MCTS1: variants seen among roughly 807,000 people sequenced by gnomAD.
MCTS1 encodes MCTS1 re-initiation and release factor, also known as malignant T-cell-amplified sequence 1.
For synonymous variants in MCTS1, 26 were observed against 40.8 expected, an observed-to-expected ratio of 0.64 and a Z score of 1.38; for missense variants, 55 against 128.6, an observed-to-expected ratio of 0.43 and a Z score of 2.77.
chrX:120,604,543 C>T (rs1210273022), intron 1 of MCTS1: 1 of 607,877 alleles, frequency 1.6e-6, no homozygotes, highest in Admixed American at 4.5e-5. Context: ...CTACCAATCA[C>T]ATCCGTGCAC....
chrX:120,612,147 TA>T (rs1926701611), intron 5 of MCTS1, 35 bp from the exon 6 acceptor site: 2 of 1,020,600 alleles, frequency 2.0e-6, no homozygotes, highest in African/African-American at 1.9e-5. Context: ...TAAAAATGCA[TA>T]AAAGTATGTT....
rs996375811 is a variant in MCTS1 at position 120,620,294 on chromosome X, C to T, written c.*8030C>T. 8.4e-5 allele frequency among the ~76,000 whole-genome samples: 9 copies of T among 107,326 alleles called. No homozygotes were observed. The highest frequency in any genetic ancestry group is 4.1e-4 in the South Asian group (1 of 2,413). 93.2% of individuals were successfully genotyped at this position (107,326 alleles called of 115,157 possible). ...CTGCATTCCAGCCTGGACAACAGAG[C>T]GAAACTCCGTCTCAAAAACCAACCA... On this transcript the variant is annotated 3_prime_UTR_variant, in exon 6 of 6. Coordinates refer to ENST00000371317, the MANE Select transcript of MCTS1 (RefSeq NM_014060.3).
In MCTS1 at chrX:120,609,805, AG is replaced by A. The variant is rs201141149; in HGVS notation, c.397-1205del. On this transcript the variant is annotated intron_variant, in intron 4 of 5. Transcript: ENST00000371317. ...TTAAAAATAATTTTTATTTTGAAACAGTTACAGATTTAGAGAAAGTTGTTAA... is the reference window on the plus strand; with the variant it reads ...TTAAAAATAATTTTTATTTTGAAACATTACAGATTTAGAGAAAGTTGTTAA... 8.7e-3 allele frequency among the ~76,000 whole-genome samples: 979 copies of A among 112,105 alleles called. 10 individuals are homozygous for A. Among genetic ancestry groups the A allele is most frequent in the African/African-American group, 0.03 (920 of 30,887 alleles).
chrX:120,617,158 T>A lies in MCTS1; in HGVS notation c.*4894T>A, dbSNP rs748139111. Among the ~76,000 whole-genome samples the A allele has an allele frequency of 8.9e-6, 1 of 112,120 alleles. No homozygotes were observed. The highest frequency in any genetic ancestry group is 2.8e-4 in the East Asian group (1 of 3,586). ...TTAGGCAGAAACAGAAAGCAAAAAA[T>A]TAAACTCATCCAACTCATACATTTG... On this transcript the variant is annotated 3_prime_UTR_variant, in exon 6 of 6. Coordinates refer to ENST00000371317, the MANE Select transcript of MCTS1 (RefSeq NM_014060.3).
In MCTS1 at chrX:120,604,119, A is replaced by G. The variant is rs1291226870; in HGVS notation, c.-118A>G. ...GGCTCTCGTTTTCCGGATAACGACT[A>G]CAGCTCCGACTGTCAGTGCCGGCCT... On this transcript the variant is annotated 5_prime_UTR_variant, in exon 1 of 6. Coordinates refer to ENST00000371317, the MANE Select transcript of MCTS1 (RefSeq NM_014060.3). The G allele has an allele frequency of 5.2e-5, 48 of 917,380 alleles. No homozygotes were observed. Among genetic ancestry groups the G allele is most frequent in the Non-Finnish European group, 6.2e-5 (40 of 648,519 alleles). 75.6% of individuals were successfully genotyped at this position (917,380 alleles called of 1,213,427 possible). A position where few individuals can be genotyped will look rare whatever the true frequency, so the allele number is the denominator to read the frequency against.
chrX:120,606,323 CA>C, intron 3 of MCTS1, 147 bp downstream of exon 3: 1 of 337,571 alleles, frequency 3.0e-6, no homozygotes, highest in Non-Finnish European at 5.2e-6. Context: ...CTGAAAGACA[CA>C]AAAAGAGTTT....
rs748400674 is a variant in MCTS1 at position 120,613,814 on chromosome X, TG to T, written c.*1552del. Reference sequence around the variant, plus strand: ...TTAAATAATGTATATCTTCTATAAGTGGAATATGAGGGACATGGACCTGCTT... The same window carrying T: ...TTAAATAATGTATATCTTCTATAAGTGAATATGAGGGACATGGACCTGCTT... On this transcript the variant is annotated 3_prime_UTR_variant, in exon 6 of 6. Coordinates refer to ENST00000371317, the MANE Select transcript of MCTS1 (RefSeq NM_014060.3). Among the ~76,000 whole-genome samples, 1 of 112,195 alleles carries T rather than the reference TG, an allele frequency of 8.9e-6. No homozygotes were observed. Among genetic ancestry groups the T allele is most frequent in the South Asian group, 3.7e-4 (1 of 2,732 alleles).
rs1457583226 is a variant in MCTS1 at position 120,615,574 on chromosome X, T to A, written c.*3310T>A. ...TGTACTAATCCTTTTCCAATTTTAG[T>A]CATCAAAAATTGTAAATTACAAATG... On this transcript the variant is annotated 3_prime_UTR_variant, in exon 6 of 6. Coordinates refer to ENST00000371317, the MANE Select transcript of MCTS1 (RefSeq NM_014060.3). Among the ~76,000 whole-genome samples, 2 of 111,760 alleles carry A rather than the reference T, an allele frequency of 1.8e-5. No individual in the cohort carries two copies. Among genetic ancestry groups the A allele is most frequent in the Non-Finnish European group, 3.8e-5 (2 of 53,143 alleles).
At chrX:120,605,310 G>A in intron 1 of MCTS1, 97 bp from the exon 2 acceptor site, 1 of 736,585 alleles carries the variant, frequency 1.4e-6, no homozygotes, top group Non-Finnish European at 1.9e-6. Context: ...CTAAATACTT[G>A]GTTGGGAATA....
At chrX:120,604,548 G>A (rs1926481231) in intron 1 of MCTS1, 1 of 610,853 alleles carries the variant, frequency 1.6e-6, no homozygotes, top group Non-Finnish European at 2.3e-6. Context: ...AATCACATCC[G>A]TGCACTGTGA....
chrX:120,613,936 T>C lies in MCTS1; in HGVS notation c.*1672T>C, dbSNP rs1198726027. Among the ~76,000 whole-genome samples the C allele has an allele frequency of 8.9e-6, 1 of 112,873 alleles. No individual in the cohort carries two copies. Among genetic ancestry groups the C allele is most frequent in the Non-Finnish European group, 1.9e-5 (1 of 53,418 alleles). ...TTTCTTCCTAATAACCTTGCTGTTA[T>C]TCTAGTGTCTTAGCCATCTTCATTT... is the stretch of plus-strand genomic sequence containing the variant. On this transcript the variant is annotated 3_prime_UTR_variant, in exon 6 of 6. Transcript: ENST00000371317.
intron 5 of MCTS1, among the ~76,000 whole-genome samples, chrX:120,611,683 G>A (rs1378260545): frequency 2.7e-5 from 3 of 112,188 alleles, no homozygotes; most frequent in Admixed American, 1.9e-4. Flanking sequence ...GCCTCCCAAA[G>A]TGTTGGGATT....
At position 120,606,190 on chromosome X, in the gene MCTS1, A is replaced by G; in HGVS notation, c.262+14A>G. The G allele has an allele frequency of 1.9e-6, 2 of 1,040,250 alleles. No individual in the cohort carries two copies. Among genetic ancestry groups the G allele is most frequent in the Non-Finnish European group, 2.6e-6 (2 of 770,967 alleles). The allele number at this position is 1,040,250 out of a possible 1,213,427, so 85.7% of individuals were successfully genotyped here. On this transcript the variant is annotated intron_variant, in intron 3 of 5. Coordinates refer to ENST00000371317, the MANE Select transcript of MCTS1 (RefSeq NM_014060.3). The stretch of plus-strand genomic sequence containing the variant: ...TACTTCACAAATGTAAGGTTTTTTT[A>G]TTTTTATTTTTTGAAATTTTACTCC...
At chrX:120,610,389 C>T (rs1358225528) in intron 4 of MCTS1, among the ~76,000 whole-genome samples, 3 of 109,428 alleles carry the variant, frequency 2.7e-5, no homozygotes, top group Non-Finnish European at 5.7e-5. Context: ...CTGAGGCAGG[C>T]GGATCATGAG....
At chrX:120,609,622 A>G (rs1926630490) in intron 4 of MCTS1, among the ~76,000 whole-genome samples, 1 of 112,268 alleles carries the variant, frequency 8.9e-6, no homozygotes, top group African/African-American at 3.2e-5. Flanking sequence ...AGGTGCTCAC[A>G]TATTTGGAAC....
At position 120,617,889 on chromosome X, in the gene MCTS1, A is replaced by G. The variant is rs919810025; in HGVS notation, c.*5625A>G. On this transcript the variant is annotated 3_prime_UTR_variant, in exon 6 of 6. Coordinates refer to ENST00000371317, the MANE Select transcript of MCTS1 (RefSeq NM_014060.3). ...TAAGCACATGCTTGGAAAAAGTGCTATTTTTCCAAACGTATGCCTTGAAAA... is the reference window on the plus strand; with the variant it reads ...TAAGCACATGCTTGGAAAAAGTGCTGTTTTTCCAAACGTATGCCTTGAAAA... Among the ~76,000 whole-genome samples, 15 of 112,429 alleles carry G rather than the reference A, an allele frequency of 1.3e-4. No homozygotes were observed. The highest frequency in any genetic ancestry group is 4.5e-4 in the African/African-American group (14 of 30,979).
chrX:120,604,802 A>G (rs1926489699), intron 1 of MCTS1: 2 of 1,144,420 alleles, frequency 1.7e-6, no homozygotes, highest in South Asian at 4.1e-5. Context: ...TTGGGAACCT[A>G]CTAGTGGGTT....
At chrX:120,607,915 C>G (rs1040334400) in intron 3 of MCTS1, among the ~76,000 whole-genome samples, 6 of 110,572 alleles carry the variant, frequency 5.4e-5, no homozygotes, top group African/African-American at 2.0e-4. Flanking sequence ...CTCCAAAAAC[C>G]ATAGTTTTGA....
In MCTS1 at chrX:120,610,999, G is replaced by C. The variant is rs1286991633; in HGVS notation, c.397-12G>C. On this transcript the variant is annotated splice_polypyrimidine_tract_variant and intron_variant, in intron 4 of 5. Coordinates refer to ENST00000371317, the MANE Select transcript of MCTS1 (RefSeq NM_014060.3). The stretch of plus-strand genomic sequence containing the variant: ...ATTTTGATAAATAGTTTTCTTAGCT[G>C]TGTTCTTTCAGGCTATCATGGCAGA... 8.3e-7 allele frequency: 1 copy of C among 1,209,802 alleles called. No homozygotes were observed. The highest frequency in any genetic ancestry group is 1.8e-5 in the South Asian group (1 of 56,940).
Sources: allele counts gnomAD v4.1 joint callset (sites outside exome capture counted in the v4.1 genomes callset), GRCh38; gene constraint gnomAD v4.1.1; transcripts MANE v1.5; gene names NCBI Gene and HGNC (gene_info 2026-07-23, HGNC 2026-07-21).